Variants in TBL1XR1 observed in about 807,000 individuals in gnomAD.
The protein encoded by TBL1XR1 is F-box-like/WD repeat-containing protein TBL1XR1.
Under a neutral mutation model 66.9 loss-of-function variants are expected in TBL1XR1, and 5 were observed. The ratio of observed to expected loss-of-function variants is 0.07; its 90% confidence interval spans 0.04 to 0.16. The LOEUF is 0.16. Among genes scored for constraint, TBL1XR1 ranks in the 10% least tolerant of loss-of-function variants. The pLI is 1.00. For missense variants in TBL1XR1, 238 were observed against 623.2 expected (o/e 0.38, Z 6.58); for synonymous variants, 210 against 206.0 (o/e 1.02, Z -0.17).
intron 2 of TBL1XR1, among the ~76,000 whole-genome samples, chr3:177,077,950 T>C (rs1329636387): frequency 6.6e-6 from 1 of 152,212 alleles, no homozygotes; most frequent in Non-Finnish European, 1.5e-5. Flanking sequence ...TTACATCAAG[T>C]CATTTTAACT....
At chr3:177,162,695 T>C (rs975845843) in intron 1 of TBL1XR1, among the ~76,000 whole-genome samples, 2 of 152,240 alleles carry the variant, frequency 1.3e-5, no homozygotes, top group African/African-American at 2.4e-5. Context: ...GAAAGTTTAC[T>C]GAGTTATACA....
intron 2 of TBL1XR1, among the ~76,000 whole-genome samples, chr3:177,082,403 A>T (rs1051999489): frequency 7.9e-5 from 12 of 152,132 alleles, no homozygotes; most frequent in African/African-American, 2.6e-4. Context: ...AAATAAATTT[A>T]AAAATCTTAT....
intron 10 of TBL1XR1, among the ~76,000 whole-genome samples, chr3:177,042,590 A>G (rs1715738276): frequency 6.6e-6 from 1 of 152,130 alleles, no homozygotes; most frequent in South Asian, 2.1e-4. Flanking sequence ...ATACCTCCTT[A>G]TTTTATATTT....
At chr3:177,028,381 C>A (rs1299205282) in intron 14 of TBL1XR1, among the ~76,000 whole-genome samples, 1 of 152,204 alleles carries the variant, frequency 6.6e-6, no homozygotes, top group African/African-American at 2.4e-5. Flanking sequence ...CTTGTAGTAT[C>A]TTCCATTAGC....
chr3:177,135,377 ATATATG>A (rs202124235), intron 1 of TBL1XR1, among the ~76,000 whole-genome samples: 801 of 30,080 alleles, frequency 0.027, 4 homozygotes, highest in African/African-American at 0.039. Flanking sequence ...ATATATATAT[ATATATG>A]TATGTATTTT....
At chr3:177,050,455 T>C in intron 6 of TBL1XR1, 23 bp downstream of exon 6, 1 of 1,611,812 alleles carries the variant, frequency 6.2e-7, no homozygotes. Context: ...TAAGTCATTT[T>C]AGTATCACTT....
At chr3:177,154,776 A>G (rs1731298615) in intron 1 of TBL1XR1, among the ~76,000 whole-genome samples, 2 of 152,338 alleles carry the variant, frequency 1.3e-5, no homozygotes, top group South Asian at 2.1e-4. Context: ...CTAAAAATTA[A>G]TAACACAGAA....
chr3:177,164,633 C>A (rs900038835), intron 1 of TBL1XR1, among the ~76,000 whole-genome samples: 19 of 152,196 alleles, frequency 1.2e-4, no homozygotes, highest in Admixed American at 1.2e-3. Flanking sequence ...CAGGCGTGAG[C>A]CACTGCGCCC....
upstream of TBL1XR1, among the ~76,000 whole-genome samples, chr3:177,199,740 C>T (rs1207169870): frequency 6.6e-6 from 1 of 152,100 alleles, no homozygotes. Flanking sequence ...AGTTCTTATA[C>T]CCTACACCAA....
intron 3 of TBL1XR1, among the ~76,000 whole-genome samples, chr3:177,060,696 G>A (rs1204333743): frequency 6.6e-6 from 1 of 152,196 alleles, no homozygotes; most frequent in Non-Finnish European, 1.5e-5. Flanking sequence ...TGACGCAAAA[G>A]GTGGGGGAGA....
intron 1 of TBL1XR1, among the ~76,000 whole-genome samples, chr3:177,119,502 C>A (rs13316732): frequency 0.11 from 16,367 of 152,056 alleles, 1,051 homozygotes; most frequent in Admixed American, 0.19. Flanking sequence ...TGTTTTGAAT[C>A]CTGAGGCAGA....
intron 1 of TBL1XR1, among the ~76,000 whole-genome samples, chr3:177,184,421 G>A (rs1735174867): frequency 6.6e-6 from 1 of 152,130 alleles, no homozygotes; most frequent in African/African-American, 2.4e-5. Flanking sequence ...TTTGAAATAA[G>A]ACAAAATGTA....
chr3:177,144,206 A>G (rs1032192880), intron 1 of TBL1XR1, among the ~76,000 whole-genome samples: 1 of 152,028 alleles, frequency 6.6e-6, no homozygotes, highest in Non-Finnish European at 1.5e-5. Flanking sequence ...AGATCACACC[A>G]CTGCACTCCA....
At chr3:177,118,552 T>C (rs73039656) in intron 1 of TBL1XR1, among the ~76,000 whole-genome samples, 10,702 of 152,264 alleles carry the variant, frequency 0.07, 421 homozygotes, top group Middle Eastern at 0.095. Flanking sequence ...AAGACAGACA[T>C]TAGGAAGACT....
chr3:177,178,137 C>T (rs1166733495), intron 1 of TBL1XR1, among the ~76,000 whole-genome samples: 1 of 152,162 alleles, frequency 6.6e-6, no homozygotes, highest in Non-Finnish European at 1.5e-5. Flanking sequence ...GCTGGAATGG[C>T]TGGGCACGGT....
At chr3:177,039,722 G>C (rs903428942) in intron 10 of TBL1XR1, among the ~76,000 whole-genome samples, 1 of 152,156 alleles carries the variant, frequency 6.6e-6, no homozygotes, top group Non-Finnish European at 1.5e-5. Context: ...TTAAAGCAGG[G>C]GTTGACAAAC....
chr3:177,173,002 G>A (rs903053030), intron 1 of TBL1XR1, among the ~76,000 whole-genome samples: 7 of 151,966 alleles, frequency 4.6e-5, no homozygotes, highest in Middle Eastern at 6.3e-3. Flanking sequence ...GAGAAACCTC[G>A]TATCTACTAA....
At chr3:177,052,701 A>G (rs1010646212) in intron 4 of TBL1XR1, among the ~76,000 whole-genome samples, 6 of 152,210 alleles carry the variant, frequency 3.9e-5, no homozygotes, top group African/African-American at 1.4e-4. Flanking sequence ...TCTAGTAATA[A>G]TCATTGATAC....
In TBL1XR1 at chr3:177,025,181, G is replaced by GT. The variant is rs1712935318; in HGVS notation, c.*316dup. 1 of 296,444 alleles carries GT rather than the reference G, an allele frequency of 3.4e-6. No individual in the cohort carries two copies. The highest frequency in any genetic ancestry group is 2.2e-5 in the African/African-American group (1 of 46,008). The allele number at this position is 296,444 out of a possible 1,614,324, so 18.4% of individuals were successfully genotyped here. A position where few individuals can be genotyped will look rare whatever the true frequency, so the allele number is the denominator to read the frequency against. On this transcript the variant is annotated 3_prime_UTR_variant, in exon 16 of 16. Coordinates refer to ENST00000457928, the MANE Select transcript of TBL1XR1 (RefSeq NM_024665.7). ...GCTGTCATTTAGTATCCAAAAACTG[G>GT]TACATGTATGTTCTGCTTTTATAAT...
Sources: allele counts gnomAD v4.1 joint callset (sites outside exome capture counted in the v4.1 genomes callset), GRCh38; gene constraint gnomAD v4.1.1; transcripts MANE v1.5; gene names NCBI Gene and HGNC (gene_info 2026-07-23, HGNC 2026-07-21).